Variants in NELL1 observed in about 807,000 individuals in gnomAD.
The protein encoded by NELL1 is protein kinase C-binding protein NELL1.
A neutral mutation model predicts 107.4 loss-of-function variants in NELL1; 76 were observed. The observed-to-expected ratio is 0.71, with a 90% confidence interval of 0.59 to 0.86. The LOEUF (loss-of-function observed/expected upper bound fraction) is 0.86, where lower values mean the gene tolerates loss of function less well. Among genes scored for constraint, NELL1 ranks in the 40% least tolerant of loss-of-function variants. The pLI is 0.00. For missense variants in NELL1, 1,024 were observed against 1,005.5 expected, an observed-to-expected ratio of 1.02 and a Z score of -0.25; for synonymous variants, 353 against 341.2, an observed-to-expected ratio of 1.03 and a Z score of -0.38.
At chr11:20,811,680 A>G (rs1487234090) in intron 3 of NELL1, among the ~76,000 whole-genome samples, 3 of 151,960 alleles carry the variant, frequency 2.0e-5, no homozygotes, top group African/African-American at 7.2e-5. Flanking sequence ...TCTTCTGGGT[A>G]ATATTTTTGG....
chr11:21,409,873 T>C (rs1590910346), intron 15 of NELL1, among the ~76,000 whole-genome samples: 1 of 151,898 alleles, frequency 6.6e-6, no homozygotes, highest in Non-Finnish European at 1.5e-5. Context: ...AACATATGCA[T>C]GACGATGAGA....
chr11:20,919,276 T>A lies in NELL1; in HGVS notation c.701T>A (p.Leu234Ter). ...GCTTGCCCAACCTGCAGTGATTTCT[T>A]AAGCCTGGTGCAAGGAATAATGGAT... ...NHTCPTCSDF[L>*]SLVQGIMDLQ... The change falls in exon 7 of 20, where the codon TTA becomes TAA. Residue 234 changes from leucine to a stop codon, truncating the protein, a stop_gained. Coordinates refer to ENST00000357134, the MANE Select transcript of NELL1 (RefSeq NM_006157.5). LOFTEE classifies it high-confidence loss of function. The A allele has an allele frequency of 6.2e-7, 1 of 1,605,518 alleles. No homozygotes were observed. Among genetic ancestry groups the A allele is most frequent in the Non-Finnish European group, 8.5e-7 (1 of 1,174,716 alleles).
At chr11:21,348,754 G>C (rs1276392980) in intron 14 of NELL1, among the ~76,000 whole-genome samples, 1 of 152,166 alleles carries the variant, frequency 6.6e-6, no homozygotes, top group East Asian at 1.9e-4. Context: ...ATCCCCATAG[G>C]ACTACTAAGT....
intron 12 of NELL1, among the ~76,000 whole-genome samples, chr11:21,062,510 A>G (rs80259397): frequency 0.014 from 2,117 of 152,310 alleles, 41 homozygotes; most frequent in African/African-American, 0.048. Flanking sequence ...TGTTTCATGA[A>G]CTAGTTATAA....
intron 3 of NELL1, among the ~76,000 whole-genome samples, chr11:20,842,164 G>T (rs1006385826): frequency 6.6e-6 from 1 of 152,086 alleles, no homozygotes. Context: ...ATCACTTGAG[G>T]TCAGGAGTTC....
intron 12 of NELL1, among the ~76,000 whole-genome samples, chr11:21,042,894 C>T (rs1231381413): frequency 6.6e-6 from 1 of 152,092 alleles, no homozygotes; most frequent in African/African-American, 2.4e-5. Context: ...GATTTCATTT[C>T]ATTTGAAATG....
At chr11:21,536,947 G>T (rs1373179768) in intron 16 of NELL1, among the ~76,000 whole-genome samples, 4 of 152,144 alleles carry the variant, frequency 2.6e-5, no homozygotes, top group African/African-American at 9.7e-5. Flanking sequence ...TAAAATTCCT[G>T]CACTCTCAAG....
chr11:21,391,477 A>G (rs1271396169), intron 15 of NELL1, among the ~76,000 whole-genome samples: 1 of 151,750 alleles, frequency 6.6e-6, no homozygotes, highest in African/African-American at 2.4e-5. Flanking sequence ...TTGGGTGTCA[A>G]ACCTTTCAGA....
chr11:21,204,653 G>A (rs1857349310), intron 13 of NELL1, among the ~76,000 whole-genome samples: 1 of 151,846 alleles, frequency 6.6e-6, no homozygotes, highest in Non-Finnish European at 1.5e-5. Flanking sequence ...TTGTTCCCTT[G>A]CTGGTGAGGA....
At chr11:21,348,341 CACTT>C (rs1416686644) in intron 14 of NELL1, among the ~76,000 whole-genome samples, 1 of 152,078 alleles carries the variant, frequency 6.6e-6, no homozygotes, top group Non-Finnish European at 1.5e-5. Flanking sequence ...ATGTGGTATT[CACTT>C]ACTTATGTGT....
chr11:21,507,612 C>T (rs78181733), intron 15 of NELL1, among the ~76,000 whole-genome samples: 1 of 151,532 alleles, frequency 6.6e-6, no homozygotes, highest in Non-Finnish European at 1.5e-5. Flanking sequence ...AGAAGAAAGA[C>T]TTTATTTAAT....
chr11:21,347,133 G>C (rs1850700187), intron 14 of NELL1, among the ~76,000 whole-genome samples: 1 of 152,152 alleles, frequency 6.6e-6, no homozygotes, highest in African/African-American at 2.4e-5. Flanking sequence ...CAGTGGTGTT[G>C]TTTAAGAAAT....
intron 15 of NELL1, among the ~76,000 whole-genome samples, chr11:21,441,775 C>T (rs1286123965): frequency 6.6e-6 from 1 of 152,086 alleles, no homozygotes; most frequent in Non-Finnish European, 1.5e-5. Flanking sequence ...TATATCTTCA[C>T]TATGGTGTTA....
intron 17 of NELL1, among the ~76,000 whole-genome samples, chr11:21,564,800 A>T (rs1856932163): frequency 6.6e-6 from 1 of 151,946 alleles, no homozygotes; most frequent in Non-Finnish European, 1.5e-5. Context: ...TACCGTGGAA[A>T]GGAAAGTCAA....
intron 3 of NELL1, among the ~76,000 whole-genome samples, chr11:20,785,764 G>A (rs140773934): frequency 0.015 from 2,295 of 152,154 alleles, 21 homozygotes; most frequent in Admixed American, 0.023. Flanking sequence ...CTATTTTCCC[G>A]GGCTGCTCTA....
At chr11:21,001,734 G>A (rs1252357045) in intron 12 of NELL1, among the ~76,000 whole-genome samples, 2 of 147,352 alleles carry the variant, frequency 1.4e-5, no homozygotes, top group Non-Finnish European at 3.0e-5. Flanking sequence ...TCAACGGGGA[G>A]CTCCCACATT....
intron 13 of NELL1, among the ~76,000 whole-genome samples, chr11:21,124,530 C>G (rs1394277304): frequency 1.3e-4 from 20 of 151,602 alleles, no homozygotes; most frequent in Admixed American, 1.2e-3. Context: ...TCTCACAGTT[C>G]TGGAAGCTAA....
chr11:20,917,642 C>T lies in NELL1; in HGVS notation c.604-540C>T, dbSNP rs1409212106. Among the ~76,000 whole-genome samples the T allele has an allele frequency of 2.6e-5, 4 of 152,008 alleles. No homozygotes were observed. In the East Asian group the frequency reaches 7.7e-4, roughly 29 times the overall value. The stretch of plus-strand genomic sequence containing the variant: ...CTTTCTTAAATTTGAGCTATTCTTC[C>T]AGACTGAATTACAGAATTAAAAGAC... On this transcript the variant is annotated intron_variant, in intron 5 of 19. Transcript: ENST00000357134.
chr11:21,323,436 C>T (rs189410134), intron 14 of NELL1, among the ~76,000 whole-genome samples: 1 of 152,266 alleles, frequency 6.6e-6, no homozygotes, highest in African/African-American at 2.4e-5. Flanking sequence ...TTCTGGTGTT[C>T]TCTTCTGCTT....
Sources: gnomAD v4.1 joint callset for allele counts (sites outside exome capture counted in the v4.1 genomes callset) on GRCh38, gnomAD v4.1.1 for gene constraint, MANE v1.5 for transcripts, NCBI Gene and HGNC (gene_info 2026-07-23, HGNC 2026-07-21) for gene names.